Variants in ZNF76 observed in about 807,000 individuals in gnomAD.
ZNF76 encodes the protein zinc finger protein 76.
A neutral mutation model predicts 66.9 loss-of-function variants in ZNF76; 66 were observed. The ratio of observed to expected loss-of-function variants is 0.99; its 90% confidence interval spans 0.81 to 1.21. ZNF76 has a LOEUF of 1.21. Ranked by LOEUF, ZNF76 falls within the 50% of genes most tolerant of loss-of-function variation. The pLI is 0.00. For missense variants in ZNF76, 729 were observed against 760.3 expected (o/e 0.96, Z 0.48); for synonymous variants, 275 against 296.1 (o/e 0.93, Z 0.73).
At chr6:35,260,917 G>A (rs975044606) in intron 1 of ZNF76, among the ~76,000 whole-genome samples, 1 of 152,022 alleles carries the variant, frequency 6.6e-6, no homozygotes, top group Non-Finnish European at 1.5e-5. Context: ...CCTCATTCCC[G>A]GATCACCCTC....
chr6:35,283,238 A>G (rs1789042225), intron 2 of ZNF76, among the ~76,000 whole-genome samples: 1 of 152,212 alleles, frequency 6.6e-6, no homozygotes, highest in Non-Finnish European at 1.5e-5. Flanking sequence ...GTAGTGTTGC[A>G]GTGTGCACTT....
chr6:35,273,412 A>T (rs1787429683), intron 1 of ZNF76, among the ~76,000 whole-genome samples: 1 of 151,174 alleles, frequency 6.6e-6, no homozygotes, highest in Non-Finnish European at 1.5e-5. Flanking sequence ...ACCTCTAATG[A>T]TCTGCCTGCC....
chr6:35,266,591 G>A (rs765280076), intron 1 of ZNF76, among the ~76,000 whole-genome samples: 2 of 152,140 alleles, frequency 1.3e-5, no homozygotes, highest in East Asian at 3.9e-4. Flanking sequence ...GTCTTTTGGA[G>A]CCTAGGAAAT....
chr6:35,292,085 A>G lies in ZNF76; in HGVS notation c.931+348A>G, dbSNP rs944084376. 4 of 431,002 alleles carry G rather than the reference A, an allele frequency of 9.3e-6. No individual in the cohort carries two copies. The highest frequency in any genetic ancestry group is 2.0e-5 in the African/African-American group (1 of 49,730). 26.7% of individuals were successfully genotyped at this position (431,002 alleles called of 1,614,324 possible). On this transcript the variant is annotated intron_variant, in intron 9 of 13. Transcript: ENST00000373953. The surrounding 1 kb of genome is among the most constrained non-coding windows in gnomAD (Gnocchi z 4.7). ...GAAGCAGAGTGAACTGTCACCTTCAACTCCTCACCTTATCCGCCGTCCATG... is the reference window on the plus strand; with the variant it reads ...GAAGCAGAGTGAACTGTCACCTTCAGCTCCTCACCTTATCCGCCGTCCATG...
At position 35,276,799 on chromosome 6, in the gene ZNF76, T is replaced by G. The variant is rs200209886; in HGVS notation, c.-96-4257T>G. 1.5e-4 allele frequency among the ~76,000 whole-genome samples: 22 copies of G among 146,300 alleles called. No homozygotes were observed. The East Asian group carries it at 3.3e-3, about 22-fold the overall frequency. On this transcript the variant is annotated intron_variant, in intron 1 of 13. Coordinates refer to ENST00000373953, the MANE Select transcript of ZNF76 (RefSeq NM_003427.5). ...TATTTATTTATTTATGGGTTTTTTT[T>G]TTTTTTTTTTTTTGAGACAAGAGTT... is the stretch of plus-strand genomic sequence containing the variant.
In ZNF76 at chr6:35,292,925, A is replaced by T; in HGVS notation, c.1210A>T (p.Ile404Leu). The T allele has an allele frequency of 6.2e-7, 1 of 1,614,206 alleles. No individual in the cohort carries two copies. The highest frequency in any genetic ancestry group is 8.5e-7 in the Non-Finnish European group (1 of 1,180,040). Residue 404 changes from isoleucine (I) to leucine (L), a missense_variant, in exon 11 of 14, where the codon ATA becomes TTA. Physicochemically the swap from Ile to Leu is conservative, Grantham distance 5. Coordinates refer to ENST00000373953, the MANE Select transcript of ZNF76 (RefSeq NM_003427.5). This position sits in a 1 kb window ranked among gnomAD's most constrained non-coding sequence, Gnocchi z 4.7. ...EESPPPKRPR[I>L]AYLSEVKEER... is the part of the protein sequence containing the mutation. ...GAGTCCGCCACCCAAACGACCCCGG[A>T]TAGCTTACCTTTCGGAGGTGAAGGA...
At chr6:35,263,756 T>C (rs1052349120) in intron 1 of ZNF76, among the ~76,000 whole-genome samples, 2 of 152,182 alleles carry the variant, frequency 1.3e-5, no homozygotes, top group Admixed American at 1.3e-4. Context: ...GTTTTCTTTT[T>C]TCTTTTCTTT....
intron 1 of ZNF76, among the ~76,000 whole-genome samples, chr6:35,266,797 CTTTTTTTTTTTTTT>C (rs57833954): frequency 4.3e-5 from 4 of 93,298 alleles, no homozygotes. Context: ...TTGTCTATTT[CTTTTTTTTTTTTTT>C]TTTTTTTTGA....
Position 35,292,683 on chromosome 6 carries a change from AC to A in ZNF76, c.1063del (p.Arg355GlyfsTer50), listed in dbSNP as rs1218550159. 1 of 1,614,088 alleles carries A rather than the reference AC, an allele frequency of 6.2e-7. No individual in the cohort carries two copies. Among genetic ancestry groups the A allele is most frequent in the Non-Finnish European group, 8.5e-7 (1 of 1,180,032 alleles). On this transcript the variant is annotated frameshift_variant, in exon 10 of 14. Coordinates refer to ENST00000373953, the MANE Select transcript of ZNF76 (RefSeq NM_003427.5). LOFTEE classifies it high-confidence loss of function. The surrounding 1 kb of genome is among the most constrained non-coding windows in gnomAD (Gnocchi z 4.7). ...ACCTGCAGCACCTGCGGCAAGACCT[AC>A]CGGCAGACCTCCACCTTGGCCATGC... ...PYTCSTCGKT[Y>X]RQTSTLAMHK...
intron 1 of ZNF76, among the ~76,000 whole-genome samples, chr6:35,269,935 G>A (rs770687927): frequency 2.0e-5 from 3 of 152,108 alleles, no homozygotes; most frequent in African/African-American, 4.8e-5. Context: ...CATGAATCAC[G>A]AAGCTCAGTT....
chr6:35,261,974 A>G (rs1182536964), intron 1 of ZNF76, among the ~76,000 whole-genome samples: 1 of 152,202 alleles, frequency 6.6e-6, no homozygotes, highest in Non-Finnish European at 1.5e-5. Context: ...ATAACAACAG[A>G]TTTAATAAGA....
chr6:35,267,007 A>G (rs185202989), intron 1 of ZNF76, among the ~76,000 whole-genome samples: 1,724 of 151,408 alleles, frequency 0.011, 27 homozygotes, highest in African/African-American at 0.026. Flanking sequence ...CACCGTGTTA[A>G]CCAGGATGGT....
intron 2 of ZNF76, among the ~76,000 whole-genome samples, chr6:35,281,746 C>T (rs929405475): frequency 6.6e-6 from 1 of 151,862 alleles, no homozygotes; most frequent in African/African-American, 2.4e-5. Context: ...GCCTGGGCAA[C>T]ATAGCAAGAC....
chr6:35,278,416 A>G (rs188472939), intron 1 of ZNF76, among the ~76,000 whole-genome samples: 249 of 152,332 alleles, frequency 1.6e-3, no homozygotes, highest in African/African-American at 5.4e-3. Flanking sequence ...TAATTTTGCC[A>G]AGATATTGAT....
intron 1 of ZNF76, among the ~76,000 whole-genome samples, chr6:35,271,856 A>G (rs1210271489): frequency 1.3e-5 from 2 of 152,066 alleles, no homozygotes; most frequent in Admixed American, 6.6e-5. Context: ...TGTTGAGGCT[A>G]AGGTGGGAGG....
At chr6:35,272,517 A>G (rs1010566022) in intron 1 of ZNF76, among the ~76,000 whole-genome samples, 2 of 147,958 alleles carry the variant, frequency 1.4e-5, no homozygotes, top group Admixed American at 6.8e-5. Flanking sequence ...GTGTGTATGT[A>G]TATGCACATA....
chr6:35,286,556 C>T, intron 4 of ZNF76, 157 bp downstream of exon 4: 1 of 709,262 alleles, frequency 1.4e-6, no homozygotes, highest in South Asian at 1.7e-5. Context: ...AGCAGCCTTG[C>T]CCACCTTCCC....
intron 1 of ZNF76, among the ~76,000 whole-genome samples, 154 bp downstream of exon 1, chr6:35,259,995 C>G (rs1212736706): frequency 8.6e-5 from 13 of 151,814 alleles, no homozygotes; most frequent in South Asian, 8.3e-4. Context: ...CCCCCTCCCC[C>G]ACCCAGGGTC....
At position 35,266,797 on chromosome 6, in the gene ZNF76, CTTTTTTTTT is replaced by C. The variant is rs57833954; in HGVS notation, c.-97+6970_-97+6978del. 2.6e-4 allele frequency among the ~76,000 whole-genome samples: 24 copies of C among 93,300 alleles called. No homozygotes were observed. In the South Asian group the frequency reaches 5.7e-3, roughly 22 times the overall value. 61.2% of individuals were successfully genotyped at this position (93,300 alleles called of 152,430 possible). ...CTTTATTTTATTTTATTGTCTATTT[CTTTTTTTTT>C]TTTTTTTTTTTTTGAGACGGAGTCT... is the stretch of plus-strand genomic sequence containing the variant. On this transcript the variant is annotated intron_variant, in intron 1 of 13. Transcript: ENST00000373953.
Sources: allele counts gnomAD v4.1 joint callset (sites outside exome capture counted in the v4.1 genomes callset), GRCh38; gene constraint gnomAD v4.1.1; non-coding constraint Gnocchi (gnomAD v3.1); transcripts MANE v1.5; gene names NCBI Gene and HGNC (gene_info 2026-07-23, HGNC 2026-07-21).